The following GALNT13 variants were observed in gnomAD, a reference collection of about 807,000 sequenced individuals.
The protein encoded by GALNT13 is UDP-GalNAc:polypeptide N-acetylgalactosaminyltransferase 13.
GALNT13 carries 28 observed loss-of-function variants against 64.2 expected under a neutral mutation model. The observed-to-expected ratio is 0.44, with a 90% CI of 0.32 to 0.60. The LOEUF is 0.60. GALNT13 is among the 20% of genes least tolerant of loss of function. The probability of loss-of-function intolerance (pLI) is 0.05; values close to 1 mark genes in which losing one functional copy is unlikely to be tolerated. For missense variants in GALNT13, 577 were observed against 669.8 expected, an observed-to-expected ratio of 0.86 and a Z score of 1.53; for synonymous variants, 214 against 224.6, an observed-to-expected ratio of 0.95 and a Z score of 0.42.
At chr2:154,232,865 G>A (rs1257917744) in intron 4 of GALNT13, among the ~76,000 whole-genome samples, 4 of 148,082 alleles carry the variant, frequency 2.7e-5, no homozygotes, top group African/African-American at 5.0e-5. Context: ...AGACTTTGTC[G>A]CTACAAAAAA....
Position 154,453,949 on chromosome 2 carries a change from T to C in GALNT13, c.*3398T>C, listed in dbSNP as rs1333324130. ...TATCCTGCCTTATGGAAATGAAATATGAAATTTTATTAAAATGCTGCTATA... is the reference window on the plus strand; with the variant it reads ...TATCCTGCCTTATGGAAATGAAATACGAAATTTTATTAAAATGCTGCTATA... On this transcript the variant is annotated 3_prime_UTR_variant, in exon 13 of 13. Coordinates refer to ENST00000392825, the MANE Select transcript of GALNT13 (RefSeq NM_052917.4). 1 of 152,190 alleles carries C rather than the reference T, an allele frequency of 6.6e-6. No individual in the cohort carries two copies. Among genetic ancestry groups the C allele is most frequent in the Non-Finnish European group, 1.5e-5 (1 of 68,024 alleles). 9.4% of individuals were successfully genotyped at this position (152,190 alleles called of 1,614,324 possible).
chr2:153,742,445 A>G, the GALNT13 span, among the ~76,000 whole-genome samples: 44 of 152,266 alleles, frequency 2.9e-4, no homozygotes, highest in Non-Finnish European at 5.4e-4. Context: ...TAGGGGGTAC[A>G]TATGCAGGCT....
chr2:153,792,346 T>A, the GALNT13 span, among the ~76,000 whole-genome samples: 4 of 152,138 alleles, frequency 2.6e-5, no homozygotes, highest in Non-Finnish European at 5.9e-5. Flanking sequence ...TATATAGGAT[T>A]TACATTGTTT....
chr2:153,070,774 C>T, the GALNT13 span, among the ~76,000 whole-genome samples: 1 of 152,142 alleles, frequency 6.6e-6, no homozygotes. Flanking sequence ...ACACATATGA[C>T]TCTGTATATA....
chr2:153,562,728 A>G, the GALNT13 span, among the ~76,000 whole-genome samples: 1 of 152,132 alleles, frequency 6.6e-6, no homozygotes. Flanking sequence ...CAAAATCCTG[A>G]GTTCATACTT....
At chr2:153,892,470 G>A (rs1373581) in intron 1 of GALNT13, among the ~76,000 whole-genome samples, 95,849 of 151,718 alleles carry the variant, frequency 0.63, 30,580 homozygotes, top group East Asian at 0.82. Flanking sequence ...CATGTTTATA[G>A]CACACTTCTA....
chr2:153,795,470 C>T, the GALNT13 span, among the ~76,000 whole-genome samples: 1 of 151,982 alleles, frequency 6.6e-6, no homozygotes, highest in Non-Finnish European at 1.5e-5. Flanking sequence ...TACCTGATGA[C>T]CTCCTGGGCC....
At chr2:153,627,813 G>A in the GALNT13 span, among the ~76,000 whole-genome samples, 3 of 152,018 alleles carry the variant, frequency 2.0e-5, no homozygotes, top group East Asian at 3.9e-4. Context: ...CTTTTGGCTT[G>A]GGATTGACTT....
At chr2:154,288,235 A>G (rs1489326022) in intron 8 of GALNT13, among the ~76,000 whole-genome samples, 1 of 152,102 alleles carries the variant, frequency 6.6e-6, no homozygotes, top group East Asian at 1.9e-4. Context: ...CAAGAACAGC[A>G]GCATGGGGGT....
chr2:153,121,524 A>G, the GALNT13 span, among the ~76,000 whole-genome samples: 7 of 151,988 alleles, frequency 4.6e-5, no homozygotes, highest in Non-Finnish European at 1.0e-4. Context: ...TAATATAACC[A>G]CATTTTATTT....
the GALNT13 span, among the ~76,000 whole-genome samples, chr2:153,584,889 A>G: frequency 1.3e-5 from 2 of 152,182 alleles, no homozygotes; most frequent in East Asian, 3.9e-4. Context: ...CAGAGGCAAA[A>G]CTAAAGGCCC....
intron 3 of GALNT13, among the ~76,000 whole-genome samples, chr2:154,037,844 GA>G (rs376580594): frequency 1.8e-4 from 27 of 152,226 alleles, no homozygotes; most frequent in African/African-American, 6.3e-4. Flanking sequence ...AAACACTGGT[GA>G]AAGAGGACAT....
chr2:153,550,122 G>A, the GALNT13 span, among the ~76,000 whole-genome samples: 2 of 152,106 alleles, frequency 1.3e-5, no homozygotes, highest in African/African-American at 4.8e-5. Context: ...TAAGAGCCTG[G>A]CTTCACAAGA....
At chr2:154,338,773 T>C (rs1695595322) in intron 9 of GALNT13, among the ~76,000 whole-genome samples, 2 of 152,040 alleles carry the variant, frequency 1.3e-5, no homozygotes, top group Non-Finnish European at 2.9e-5. Context: ...TGGCCTGGAA[T>C]TTGAGAGCCC....
At chr2:153,509,910 C>A in the GALNT13 span, among the ~76,000 whole-genome samples, 5 of 152,190 alleles carry the variant, frequency 3.3e-5, no homozygotes, top group African/African-American at 1.2e-4. Context: ...GATACAGGGC[C>A]TAAATTTGTT....
At chr2:154,193,436 C>T (rs1686706375) in intron 4 of GALNT13, among the ~76,000 whole-genome samples, 1 of 152,216 alleles carries the variant, frequency 6.6e-6, no homozygotes. Context: ...TGGCCTCCCT[C>T]AGAACTAACC....
the GALNT13 span, among the ~76,000 whole-genome samples, chr2:153,111,208 C>A: frequency 5.2e-4 from 79 of 152,124 alleles, 1 homozygote; most frequent in Admixed American, 4.6e-3. Context: ...CATGATCTTG[C>A]ATTTCTGATT....
intron 3 of GALNT13, among the ~76,000 whole-genome samples, chr2:153,989,930 A>C (rs560865206): frequency 1.4e-3 from 215 of 152,234 alleles, no homozygotes; most frequent in African/African-American, 4.3e-3. Flanking sequence ...GATGCTATTT[A>C]CCTTCAGAGA....
At chr2:153,864,546 G>C in the GALNT13 span, among the ~76,000 whole-genome samples, 1 of 152,096 alleles carries the variant, frequency 6.6e-6, no homozygotes, top group Non-Finnish European at 1.5e-5. Flanking sequence ...TTGCTTATCA[G>C]CTTAAGGAGA....
Sources: allele counts gnomAD v4.1 joint callset (sites outside exome capture counted in the v4.1 genomes callset), GRCh38; gene constraint gnomAD v4.1.1; transcripts MANE v1.5; gene names NCBI Gene and HGNC (gene_info 2026-07-23, HGNC 2026-07-21).